Variants in SLC12A7 observed in about 807,000 individuals in gnomAD.
SLC12A7 encodes the protein K-Cl cotransporter 4.
In SLC12A7, 100 loss-of-function variants were observed where a neutral mutation model predicts 120.6. That is an observed-to-expected ratio of 0.83 (90% CI 0.71 to 0.98). SLC12A7 has a LOEUF of 0.98. SLC12A7 is among the 50% of genes least tolerant of loss of function. The pLI is 0.00. For missense variants in SLC12A7, 1,373 were observed against 1,548.1 expected (o/e 0.89, Z 1.90); for synonymous variants, 760 against 678.0 (o/e 1.12, Z -1.88).
intron 1 of SLC12A7, among the ~76,000 whole-genome samples, chr5:1,105,968 C>T (rs1268358857): frequency 6.6e-6 from 1 of 152,210 alleles, no homozygotes; most frequent in Non-Finnish European, 1.5e-5. Flanking sequence ...CCTCACACTC[C>T]CCAGCACCCA....
chr5:1,065,398 C>G lies in SLC12A7; in HGVS notation c.2322G>C (p.Met774Ile). Residue 774 changes from methionine to isoleucine, a missense_variant, in exon 18 of 24, where the codon ATG (methionine) becomes ATC (isoleucine). By Grantham distance (10) the Met-to-Ile change is conservative. Transcript: ENST00000264930. ...GGCCGGCCGACTGGATCAGGTGGGA[C>G]ATGCCATCCCGCAGGCTGGACGAGA... The part of the protein sequence containing the change: ...LVVSSSLRDG[M>I]SHLIQSAGLG... 1 of 1,612,664 alleles carries G rather than the reference C, an allele frequency of 6.2e-7. No individual in the cohort carries two copies.
At chr5:1,093,916 G>A (rs1465172907) in intron 2 of SLC12A7, among the ~76,000 whole-genome samples, 1 of 152,148 alleles carries the variant, frequency 6.6e-6, no homozygotes, top group Admixed American at 6.5e-5. Flanking sequence ...GGTTCCCGTG[G>A]GGCCGGAGCA....
intron 1 of SLC12A7, among the ~76,000 whole-genome samples, chr5:1,110,974 A>G (rs1045995459): frequency 6.6e-6 from 1 of 152,178 alleles, no homozygotes; most frequent in Non-Finnish European, 1.5e-5. Context: ...CTGGCACCGG[A>G]CTTGTCCCTG....
chr5:1,065,577 G>A, intron 17 of SLC12A7, 99 bp from the exon 18 acceptor site: 3 of 940,354 alleles, frequency 3.2e-6, no homozygotes, highest in Non-Finnish European at 4.7e-6. Flanking sequence ...CACCTCCCCT[G>A]TGGACCCAGC....
intron 1 of SLC12A7, among the ~76,000 whole-genome samples, chr5:1,109,646 G>A (rs1234994754): frequency 6.6e-6 from 1 of 151,168 alleles, no homozygotes; most frequent in East Asian, 1.9e-4. Context: ...AGGCAGCCCG[G>A]GCAGCAGCAT....
At chr5:1,155,469 C>T in the SLC12A7 span, among the ~76,000 whole-genome samples, 1 of 151,262 alleles carries the variant, frequency 6.6e-6, no homozygotes, top group Non-Finnish European at 1.5e-5. Context: ...ACCTGCAGGC[C>T]CCGGACAGGG....
the SLC12A7 span, among the ~76,000 whole-genome samples, chr5:1,119,604 G>A: frequency 3.3e-5 from 5 of 152,250 alleles, no homozygotes; most frequent in African/African-American, 7.2e-5. Flanking sequence ...GTCGGGCAGC[G>A]ACCGTTTCAG....
Position 1,085,373 on chromosome 5 carries a change from A to G in SLC12A7, c.776T>C (p.Leu259Pro). ...GAAGACCACCAGGGCCATGAGCACG[A>G]GCGTGCACGTGCCGTACACACGCAT... ...HNMRVYGTCTLVLMALVVFVG... is the reference protein window; with the variant it reads ...HNMRVYGTCTPVLMALVVFVG... The change falls in exon 7 of 24, where the codon CTC (leucine) becomes CCC (proline). Residue 259 changes from leucine (L) to proline (P), a missense_variant. By Grantham distance (98) the Leu-to-Pro change is moderately conservative. Transcript: ENST00000264930. 6.2e-7 allele frequency: 1 copy of G among 1,612,348 alleles called. No homozygotes were observed. Among genetic ancestry groups the G allele is most frequent in the Non-Finnish European group, 8.5e-7 (1 of 1,179,744 alleles).
chr5:1,081,962 A>C (rs1739173799), intron 8 of SLC12A7, among the ~76,000 whole-genome samples: 1 of 152,236 alleles, frequency 6.6e-6, no homozygotes, highest in African/African-American at 2.4e-5. Context: ...CACTAAAGAG[A>C]AGCCTCATGT....
At chr5:1,060,583 C>G in intron 20 of SLC12A7, 132 bp from the exon 21 acceptor site, 1 of 667,322 alleles carries the variant, frequency 1.5e-6, no homozygotes, top group Non-Finnish European at 2.6e-6. Context: ...CCCCACAGGC[C>G]CCCTCTGGCT....
At chr5:1,067,861 G>A (rs945498611) in intron 17 of SLC12A7, among the ~76,000 whole-genome samples, 4 of 151,838 alleles carry the variant, frequency 2.6e-5, no homozygotes, top group Admixed American at 6.6e-5. Context: ...AGTCAGCACC[G>A]TGTCGGGGAC....
intron 3 of SLC12A7, among the ~76,000 whole-genome samples, chr5:1,090,752 G>C (rs1239575596): frequency 1.3e-5 from 2 of 152,214 alleles, no homozygotes; most frequent in Non-Finnish European, 2.9e-5. Context: ...GTCAGAAGCT[G>C]GTTCTCGGCC....
At chr5:1,111,480 G>A (rs570167359) in intron 1 of SLC12A7, among the ~76,000 whole-genome samples, 2 of 152,124 alleles carry the variant, frequency 1.3e-5, no homozygotes, top group Non-Finnish European at 2.9e-5. Context: ...GAGCGCGGGG[G>A]ACGCAGGACG....
At chr5:1,094,834 A>G (rs974963031) in intron 1 of SLC12A7, among the ~76,000 whole-genome samples, 3 of 152,152 alleles carry the variant, frequency 2.0e-5, no homozygotes, top group Non-Finnish European at 4.4e-5. Context: ...TGAGTCTTTC[A>G]GGAAGGCTGG....
chr5:1,079,037 G>C (rs1738691944), intron 10 of SLC12A7, among the ~76,000 whole-genome samples: 1 of 152,158 alleles, frequency 6.6e-6, no homozygotes. Context: ...GGATTGGCAG[G>C]GGACCATGCT....
chr5:1,080,720 C>T (rs996830508), intron 9 of SLC12A7, among the ~76,000 whole-genome samples: 5 of 152,220 alleles, frequency 3.3e-5, no homozygotes, highest in Non-Finnish European at 7.3e-5. Context: ...CCCCACCCAC[C>T]GCCGGAACAA....
In SLC12A7 at chr5:1,112,062, C is replaced by T; in HGVS notation, c.-71G>A. On this transcript the variant is annotated 5_prime_UTR_variant, in exon 1 of 24. Coordinates refer to ENST00000264930, the MANE Select transcript of SLC12A7 (RefSeq NM_006598.3). ...CGCCGCTCCCGCCGACGCCACGGGA[C>T]TTGGAGGCAGGGGCGGGGTCCGACC... The T allele has an allele frequency of 8.3e-7, 1 of 1,201,144 alleles. No individual in the cohort carries two copies. 74.4% of individuals were successfully genotyped at this position (1,201,144 alleles called of 1,614,324 possible).
At chr5:1,053,197 C>G (rs1297580649) in intron 23 of SLC12A7, 152 bp downstream of exon 23, 1 of 1,009,498 alleles carries the variant, frequency 9.9e-7, no homozygotes, top group Admixed American at 2.8e-5. Flanking sequence ...GGGCTCAGAG[C>G]CCCACTGCAT....
intron 17 of SLC12A7, among the ~76,000 whole-genome samples, chr5:1,073,213 T>C (rs866551912): frequency 1.1e-4 from 1 of 9,468 alleles, no homozygotes; most frequent in Non-Finnish European, 1.6e-4. Context: ...ATCACACTTA[T>C]GCAGCCCCCA....
Sources: allele counts gnomAD v4.1 joint callset (sites outside exome capture counted in the v4.1 genomes callset), GRCh38; gene constraint gnomAD v4.1.1; transcripts MANE v1.5; gene names NCBI Gene and HGNC (gene_info 2026-07-23, HGNC 2026-07-21).